Variants in LYPD6B observed in about 807,000 individuals in gnomAD.
LYPD6B encodes the protein LY6/PLAUR domain containing 6B.
A neutral mutation model predicts 22.8 loss-of-function variants in LYPD6B; 17 were observed. That is an observed-to-expected ratio of 0.75 (90% CI 0.51 to 1.12). The LOEUF (loss-of-function observed/expected upper bound fraction) is 1.12. Ranked by LOEUF, LYPD6B falls within the 50% of genes most tolerant of loss-of-function variation. LYPD6B has a pLI of 0.00. For missense variants in LYPD6B, 221 were observed against 258.3 expected, an observed-to-expected ratio of 0.86 and a Z score of 0.99; for synonymous variants, 106 against 91.6, an observed-to-expected ratio of 1.16 and a Z score of -0.90.
intron 1 of LYPD6B, among the ~76,000 whole-genome samples, chr2:149,092,388 G>T (rs1010313429): frequency 6.6e-6 from 1 of 152,148 alleles, no homozygotes; most frequent in Non-Finnish European, 1.5e-5. Flanking sequence ...CACAGGCCAG[G>T]TATCAGTGAG....
At chr2:149,065,269 A>G (rs2105335192) in intron 1 of LYPD6B, among the ~76,000 whole-genome samples, 1 of 152,316 alleles carries the variant, frequency 6.6e-6, no homozygotes, top group East Asian at 1.9e-4. Flanking sequence ...TGCTAAGTGT[A>G]TGGAGAATTC....
intron 3 of LYPD6B, among the ~76,000 whole-genome samples, chr2:149,185,522 A>G (rs566799825): frequency 2.0e-5 from 3 of 152,354 alleles, no homozygotes; most frequent in African/African-American, 7.2e-5. Context: ...AAAGTAAGCA[A>G]TTAGGGAAAA....
chr2:149,139,628 A>G (rs964353978), intron 2 of LYPD6B, among the ~76,000 whole-genome samples: 2 of 152,190 alleles, frequency 1.3e-5, no homozygotes, highest in African/African-American at 4.8e-5. Context: ...CATAATGGGG[A>G]AAGTTTAAGT....
intron 3 of LYPD6B, among the ~76,000 whole-genome samples, chr2:149,183,197 A>C (rs1433230591): frequency 6.6e-6 from 1 of 152,330 alleles, no homozygotes; most frequent in South Asian, 2.1e-4. Flanking sequence ...GGAAGAAGTA[A>C]ACTTTGTTGG....
Position 149,214,617 on chromosome 2 carries a change from T to C in LYPD6B, c.531T>C (p.Phe177=). ...ELPTNHTNAV[F]AVMHAQRTSG... ...CCACCAATCACACTAATGCAGTGTT[T>C]GCCGTAATGCACGCTCAGAGAACAT... Residue 177 remains phenylalanine, a synonymous_variant, in exon 7 of 7, where the codon TTT becomes TTC. Transcript: ENST00000409642. 6.2e-7 allele frequency: 1 copy of C among 1,613,982 alleles called. No homozygotes were observed. The highest frequency in any genetic ancestry group is 8.5e-7 in the Non-Finnish European group (1 of 1,179,864).
chr2:149,088,818 G>C (rs1685516496), intron 1 of LYPD6B, among the ~76,000 whole-genome samples: 1 of 152,152 alleles, frequency 6.6e-6, no homozygotes, highest in African/African-American at 2.4e-5. Context: ...TTAGGGCCAA[G>C]AGACACAGGA....
chr2:149,160,503 A>G (rs1317683645), intron 2 of LYPD6B: 5 of 578,336 alleles, frequency 8.6e-6, no homozygotes, highest in Admixed American at 6.5e-5. Context: ...ACCAATTATT[A>G]CCATTCTTAA....
intron 1 of LYPD6B, among the ~76,000 whole-genome samples, chr2:149,080,167 G>T (rs1282962758): frequency 6.6e-6 from 1 of 152,160 alleles, no homozygotes; most frequent in Non-Finnish European, 1.5e-5. Flanking sequence ...TCGCTTGAAG[G>T]CACTAAGGAA....
intron 1 of LYPD6B, among the ~76,000 whole-genome samples, chr2:149,121,099 A>G (rs1198312161): frequency 6.6e-6 from 1 of 152,138 alleles, no homozygotes; most frequent in African/African-American, 2.4e-5. Flanking sequence ...GCAAAGTCTT[A>G]ATGATATTTC....
intron 1 of LYPD6B, among the ~76,000 whole-genome samples, chr2:149,119,380 G>A (rs535914794): frequency 6.6e-6 from 1 of 152,324 alleles, no homozygotes; most frequent in African/African-American, 2.4e-5. Flanking sequence ...TTGTTGTAAT[G>A]TCAATATGAT....
At chr2:149,040,132 A>C (rs1254197728) in intron 1 of LYPD6B, among the ~76,000 whole-genome samples, 1 of 151,996 alleles carries the variant, frequency 6.6e-6, no homozygotes, top group African/African-American at 2.4e-5. Flanking sequence ...CTGCTCCTTC[A>C]GAGAGAGAGA....
At chr2:149,042,188 G>A (rs1683116661) in intron 1 of LYPD6B, among the ~76,000 whole-genome samples, 1 of 152,228 alleles carries the variant, frequency 6.6e-6, no homozygotes, top group South Asian at 2.1e-4. Context: ...TTCTCCTGAT[G>A]CTAAGTCCAA....
At chr2:149,058,247 C>T (rs1390221730) in intron 1 of LYPD6B, among the ~76,000 whole-genome samples, 1 of 152,110 alleles carries the variant, frequency 6.6e-6, no homozygotes, top group African/African-American at 2.4e-5. Context: ...TGTCCTTGCA[C>T]CAACAACTGG....
chr2:149,066,175 T>G (rs1259861296), intron 1 of LYPD6B, among the ~76,000 whole-genome samples: 1 of 152,004 alleles, frequency 6.6e-6, no homozygotes, highest in African/African-American at 2.4e-5. Flanking sequence ...TTTTTTCAAA[T>G]TTATTATTTT....
intron 3 of LYPD6B, 77 bp downstream of exon 3, chr2:149,160,912 T>C: frequency 3.7e-6 from 4 of 1,077,520 alleles, no homozygotes; most frequent in Non-Finnish European, 5.5e-6. Flanking sequence ...AATGGACTCC[T>C]GAAAGTCCCG....
intron 3 of LYPD6B, among the ~76,000 whole-genome samples, chr2:149,171,683 G>C (rs913640357): frequency 1.3e-5 from 2 of 152,076 alleles, no homozygotes; most frequent in African/African-American, 4.8e-5. Context: ...GAAAGGTTTT[G>C]AATAAGAAAA....
At chr2:149,149,412 A>C (rs1457311804) in intron 2 of LYPD6B, among the ~76,000 whole-genome samples, 1 of 139,826 alleles carries the variant, frequency 7.2e-6, no homozygotes, top group South Asian at 2.8e-4. Context: ...CCTGTACTCA[A>C]ATCCTACACA....
intron 1 of LYPD6B, among the ~76,000 whole-genome samples, chr2:149,070,436 A>C (rs1343578626): frequency 1.3e-5 from 2 of 151,984 alleles, no homozygotes; most frequent in African/African-American, 4.8e-5. Context: ...CACACTATAA[A>C]ATTTTAACCT....
At chr2:149,129,762 G>C (rs1260431390) in intron 1 of LYPD6B, among the ~76,000 whole-genome samples, 1 of 152,154 alleles carries the variant, frequency 6.6e-6, no homozygotes, top group East Asian at 1.9e-4. Context: ...CTTCTTGATG[G>C]GGCTTTGTAG....
Sources: gnomAD v4.1 joint callset for allele counts (sites outside exome capture counted in the v4.1 genomes callset) on GRCh38, gnomAD v4.1.1 for gene constraint, MANE v1.5 for transcripts, NCBI Gene and HGNC (gene_info 2026-07-23, HGNC 2026-07-21) for gene names.